MMP16: variants seen among roughly 807,000 people sequenced by gnomAD.
The protein encoded by MMP16 is matrix metallopeptidase 16, also known as matrix metalloproteinase-16.
In MMP16, 12 loss-of-function variants were observed where a neutral mutation model predicts 67.8. The observed-to-expected ratio is 0.18, with a 90% confidence interval of 0.11 to 0.29. The LOEUF (loss-of-function observed/expected upper bound fraction) is 0.29, where lower values mean the gene tolerates loss of function less well. MMP16 is among the 10% of genes least tolerant of loss of function. The probability of loss-of-function intolerance (pLI) is 1.00; values close to 1 mark genes in which losing one functional copy is unlikely to be tolerated. For synonymous variants in MMP16, 249 were observed against 255.9 expected (o/e 0.97, Z 0.26); for missense variants, 475 against 765.7 (o/e 0.62, Z 4.48).
At chr8:88,067,737 A>G (rs529738551) in intron 7 of MMP16, among the ~76,000 whole-genome samples, 1 of 152,258 alleles carries the variant, frequency 6.6e-6, no homozygotes, top group South Asian at 2.1e-4. Context: ...CCATATTGTA[A>G]TGTGAATCAG....
intron 3 of MMP16, among the ~76,000 whole-genome samples, chr8:88,172,072 G>T (rs1484672366): frequency 2.0e-5 from 3 of 152,048 alleles, no homozygotes; most frequent in African/African-American, 7.2e-5. Flanking sequence ...GGTCGCCTTG[G>T]CCTCCAAAGT....
At chr8:88,325,184 A>G (rs146527064) in intron 1 of MMP16, among the ~76,000 whole-genome samples, 37 of 152,336 alleles carry the variant, frequency 2.4e-4, no homozygotes, top group African/African-American at 8.7e-4. Context: ...ATTGGAATCC[A>G]AAATTAAATA....
intron 4 of MMP16, among the ~76,000 whole-genome samples, chr8:88,137,541 T>G (rs1808141349): frequency 6.6e-6 from 1 of 152,062 alleles, no homozygotes; most frequent in Admixed American, 6.6e-5. Context: ...ATTTAACTAG[T>G]TTTACTATGA....
intron 6 of MMP16, among the ~76,000 whole-genome samples, chr8:88,086,777 CTCTT>C (rs1808840455): frequency 1.3e-5 from 2 of 151,918 alleles, no homozygotes; most frequent in Non-Finnish European, 2.9e-5. Flanking sequence ...TCTCTTCAAT[CTCTT>C]TCTATCAAAG....
chr8:88,239,410 A>G (rs997925919), intron 1 of MMP16, among the ~76,000 whole-genome samples: 1 of 152,142 alleles, frequency 6.6e-6, no homozygotes. Context: ...GAGTGAAATA[A>G]ATATGAATCA....
chr8:88,082,815 T>C (rs1029409664), intron 6 of MMP16, among the ~76,000 whole-genome samples: 13 of 150,544 alleles, frequency 8.6e-5, no homozygotes, highest in Non-Finnish European at 1.8e-4. Context: ...TCAGGTTGAA[T>C]TGTTAAAAAT....
chr8:88,289,398 A>C (rs886312596), intron 1 of MMP16, among the ~76,000 whole-genome samples: 2 of 152,146 alleles, frequency 1.3e-5, no homozygotes, highest in Non-Finnish European at 2.9e-5. Context: ...AAATGATTAT[A>C]ATAGCACATG....
At chr8:88,063,606 C>A (rs746934778) in intron 7 of MMP16, among the ~76,000 whole-genome samples, 4 of 151,494 alleles carry the variant, frequency 2.6e-5, no homozygotes, top group Non-Finnish European at 5.9e-5. Flanking sequence ...TCAGATGTAC[C>A]GGATCAGAAA....
chr8:88,200,097 G>A (rs1462284863), intron 1 of MMP16, among the ~76,000 whole-genome samples: 1 of 151,788 alleles, frequency 6.6e-6, no homozygotes, highest in Non-Finnish European at 1.5e-5. Flanking sequence ...AATCATTCCT[G>A]TTAAACTTAA....
chr8:88,247,058 G>C (rs1810124402), intron 1 of MMP16, among the ~76,000 whole-genome samples: 1 of 152,060 alleles, frequency 6.6e-6, no homozygotes, highest in South Asian at 2.1e-4. Flanking sequence ...TAGGAAATAA[G>C]AATAACTAAC....
rs1808738627 is a variant in MMP16 at position 88,167,882 on chromosome 8, T to A, written c.496A>T (p.Thr166Ser). 6.2e-7 allele frequency: 1 copy of A among 1,613,896 alleles called. No individual in the cohort carries two copies. The highest frequency in any genetic ancestry group is 1.3e-5 in the African/African-American group (1 of 74,914). ...FDVWQNVTPL[T>S]FEEVPYSELE... ...TCACTGTAGGGAACTTCTTCAAATG[T>A]CAGAGGAGTTACATTCTGCCACACA... The change falls in exon 4 of 10, where the codon ACA becomes TCA. Residue 166 changes from threonine to serine, a missense_variant. Transcript: ENST00000286614.
At chr8:88,314,020 G>C (rs1362129274) in intron 1 of MMP16, among the ~76,000 whole-genome samples, 1 of 152,102 alleles carries the variant, frequency 6.6e-6, no homozygotes. Context: ...TTTGGGTGGG[G>C]ACACAGCCAA....
At chr8:88,120,895 G>A (rs1049416839) in intron 4 of MMP16, among the ~76,000 whole-genome samples, 12 of 151,754 alleles carry the variant, frequency 7.9e-5, no homozygotes, top group Non-Finnish European at 1.8e-4. Context: ...TTGCATATCA[G>A]GTCCCCTTCA....
chr8:88,300,836 A>G (rs1165072991), intron 1 of MMP16, among the ~76,000 whole-genome samples: 2 of 152,082 alleles, frequency 1.3e-5, no homozygotes, highest in Non-Finnish European at 2.9e-5. Context: ...TTTTTTTTTA[A>G]GAGCCTGAAG....
At chr8:88,285,708 TC>T (rs777691815) in intron 1 of MMP16, among the ~76,000 whole-genome samples, 9 of 152,080 alleles carry the variant, frequency 5.9e-5, no homozygotes, top group Non-Finnish European at 1.0e-4. Context: ...TGACTTTTTT[TC>T]CTTTTTAAAA....
intron 7 of MMP16, among the ~76,000 whole-genome samples, chr8:88,072,889 C>A (rs1040939605): frequency 1.3e-5 from 2 of 152,094 alleles, no homozygotes; most frequent in African/African-American, 4.8e-5. Context: ...GGAGGACATG[C>A]CTTTTATGCT....
At chr8:88,048,467 CTG>C (rs1327728713) in intron 8 of MMP16, among the ~76,000 whole-genome samples, 1 of 152,118 alleles carries the variant, frequency 6.6e-6, no homozygotes, top group Non-Finnish European at 1.5e-5. Context: ...GGTAAAATCA[CTG>C]GGAGTTCACA....
At chr8:88,268,911 A>G (rs1010747695) in intron 1 of MMP16, among the ~76,000 whole-genome samples, 4 of 151,974 alleles carry the variant, frequency 2.6e-5, no homozygotes, top group African/African-American at 9.7e-5. Flanking sequence ...AAAGTACTGA[A>G]CATCAGCCAT....
At chr8:88,174,581 ATAATT>A (rs1410231339) in intron 3 of MMP16, among the ~76,000 whole-genome samples, 1 of 152,226 alleles carries the variant, frequency 6.6e-6, no homozygotes, top group Non-Finnish European at 1.5e-5. Context: ...CATATGATGT[ATAATT>A]TAATTTTCCA....
Sources: gnomAD v4.1 joint callset for allele counts (sites outside exome capture counted in the v4.1 genomes callset) on GRCh38, gnomAD v4.1.1 for gene constraint, MANE v1.5 for transcripts, NCBI Gene and HGNC (gene_info 2026-07-23, HGNC 2026-07-21) for gene names.